SPTBN1: variants seen among roughly 807,000 people sequenced by gnomAD.
The protein encoded by SPTBN1 is spectrin beta, non-erythrocytic 1.
In SPTBN1, 32 loss-of-function variants were observed where a neutral mutation model predicts 266.4. The ratio of observed to expected loss-of-function variants is 0.12; its 90% CI spans 0.09 to 0.16. The LOEUF is 0.16. SPTBN1 is among the 10% of genes least tolerant of loss of function. The pLI is 1.00. For synonymous variants in SPTBN1, 1,336 were observed against 1,162.2 expected, an observed-to-expected ratio of 1.15 and a Z score of -3.04; for missense variants, 2,296 against 3,067.1, an observed-to-expected ratio of 0.75 and a Z score of 5.94.
At chr2:54,548,359 G>C (rs1437241776) in intron 2 of SPTBN1, among the ~76,000 whole-genome samples, 1 of 152,194 alleles carries the variant, frequency 6.6e-6, no homozygotes, top group East Asian at 1.9e-4. Context: ...CATGGAAGCT[G>C]TGCTTGTACC....
chr2:54,632,535 C>G, intron 16 of SPTBN1, 31 bp from the exon 17 acceptor site: 1 of 1,605,794 alleles, frequency 6.2e-7, no homozygotes, highest in Admixed American at 1.7e-5. Flanking sequence ...CTTCATTGAT[C>G]TGCTATGATT....
At chr2:54,609,080 G>A (rs1320080405) in intron 3 of SPTBN1, among the ~76,000 whole-genome samples, 1 of 152,110 alleles carries the variant, frequency 6.6e-6, no homozygotes, top group African/African-American at 2.4e-5. Flanking sequence ...AGGTAGAAGG[G>A]GAGGCAGAAG....
intron 1 of SPTBN1, chr2:54,516,144 G>C (rs911248984): frequency 6.6e-6 from 1 of 152,112 alleles, no homozygotes; most frequent in African/African-American, 2.4e-5. Flanking sequence ...AGGCCAATTT[G>C]TTCATTTAAA....
intron 10 of SPTBN1, among the ~76,000 whole-genome samples, chr2:54,624,090 T>C (rs887397684): frequency 9.2e-5 from 14 of 152,192 alleles, no homozygotes; most frequent in Non-Finnish European, 1.5e-5. Flanking sequence ...ATTTGAAAAA[T>C]TCTAGAACTT....
intron 4 of SPTBN1, among the ~76,000 whole-genome samples, chr2:54,615,098 C>T (rs1174974402): frequency 1.3e-5 from 2 of 151,548 alleles, no homozygotes; most frequent in African/African-American, 4.9e-5. Flanking sequence ...TTTATACAGA[C>T]TCAGGCTTCA....
rs878916441 is a variant in SPTBN1, at chr2:54,655,956, A to G, written c.6004A>G (p.Met2002Val). The G allele has an allele frequency of 6.2e-6, 10 of 1,613,674 alleles. No homozygotes were observed. The highest frequency in any genetic ancestry group is 1.1e-5 in the South Asian group (1 of 91,068). ...LLQLTEKRKE[M>V]IDKWEDRWEW... ...GCAGTTGACGGAAAAGAGGAAAGAA[A>G]TGATCGACAAGTGGGAAGACCGATG... The change falls in exon 29 of 36, where the codon ATG becomes GTG. Residue 2002 changes from methionine to valine, a missense_variant. Met to Val is a conservative substitution (Grantham distance 21, BLOSUM62 1). Transcript: ENST00000356805.
At chr2:54,470,804 T>C (rs1206901826) in intron 1 of SPTBN1, among the ~76,000 whole-genome samples, 1 of 152,100 alleles carries the variant, frequency 6.6e-6, no homozygotes, top group Non-Finnish European at 1.5e-5. Flanking sequence ...AAAGAACCTG[T>C]CTCAAACCCC....
chr2:54,565,256 G>T (rs1446910856), intron 2 of SPTBN1, among the ~76,000 whole-genome samples: 2 of 152,196 alleles, frequency 1.3e-5, no homozygotes, highest in African/African-American at 4.8e-5. Context: ...GACTCTTTAA[G>T]TTGCTCCCAA....
chr2:54,522,336 A>G (rs1158633912), intron 1 of SPTBN1, among the ~76,000 whole-genome samples: 1 of 152,068 alleles, frequency 6.6e-6, no homozygotes, highest in Non-Finnish European at 1.5e-5. Flanking sequence ...CTTACTTACT[A>G]AGTAATCTGT....
At chr2:54,625,830 A>T in intron 11 of SPTBN1, 102 bp from the exon 12 acceptor site, 1 of 1,300,630 alleles carries the variant, frequency 7.7e-7, no homozygotes, top group Admixed American at 2.2e-5. Flanking sequence ...ACCTCAAGTG[A>T]TCTGCCCGCC....
At chr2:54,642,536 T>G (rs954328215) in intron 18 of SPTBN1, among the ~76,000 whole-genome samples, 4 of 151,542 alleles carry the variant, frequency 2.6e-5, no homozygotes, top group South Asian at 2.1e-4. Context: ...GTAGTTTTTT[T>G]TTTTTTTTTT....
chr2:54,461,287 T>G (rs1252314123), intron 1 of SPTBN1, among the ~76,000 whole-genome samples: 2 of 152,252 alleles, frequency 1.3e-5, no homozygotes, highest in African/African-American at 4.8e-5. Context: ...TGGCTGTATT[T>G]CATTCAGTTT....
At chr2:54,467,591 G>A (rs1446499452) in intron 1 of SPTBN1, among the ~76,000 whole-genome samples, 2 of 152,204 alleles carry the variant, frequency 1.3e-5, no homozygotes, top group East Asian at 3.9e-4. Flanking sequence ...CACCATGTTG[G>A]CCAGACTGGT....
chr2:54,573,903 G>C (rs536419646), intron 2 of SPTBN1, among the ~76,000 whole-genome samples: 1 of 145,014 alleles, frequency 6.9e-6, no homozygotes, highest in African/African-American at 2.8e-5. Flanking sequence ...TTTATGGGAG[G>C]GGGGTGCTTT....
At chr2:54,585,715 G>T (rs1675247246) in intron 2 of SPTBN1, among the ~76,000 whole-genome samples, 1 of 152,172 alleles carries the variant, frequency 6.6e-6, no homozygotes, top group Admixed American at 6.5e-5. Flanking sequence ...TTTTTAAAGA[G>T]AGAACTCTTA....
At chr2:54,661,474 ATCTTGTT>A (rs778572066) in intron 32 of SPTBN1, 2 of 985,672 alleles carry the variant, frequency 2.0e-6, no homozygotes, top group Non-Finnish European at 2.4e-6. Context: ...GTCATATAGC[ATCTTGTT>A]TGTTTTTCCT....
chr2:54,611,553 G>A (rs908194824), intron 3 of SPTBN1, among the ~76,000 whole-genome samples: 1 of 151,964 alleles, frequency 6.6e-6, no homozygotes, highest in African/African-American at 2.4e-5. Context: ...TGATAAAACT[G>A]GGTAGAGGGA....
chr2:54,666,316 G>A (rs1365534608), intron 34 of SPTBN1, among the ~76,000 whole-genome samples: 1 of 152,222 alleles, frequency 6.6e-6, no homozygotes, highest in African/African-American at 2.4e-5. Flanking sequence ...TCTGAGCATT[G>A]AAGGATAAGG....
intron 1 of SPTBN1, among the ~76,000 whole-genome samples, chr2:54,487,278 A>G (rs553077014): frequency 5.8e-5 from 8 of 137,524 alleles, no homozygotes; most frequent in African/African-American, 8.3e-5. Context: ...AATTTTGTCT[A>G]TTATCAGAAA....
Sources: allele counts gnomAD v4.1 joint callset (sites outside exome capture counted in the v4.1 genomes callset), GRCh38; gene constraint gnomAD v4.1.1; transcripts MANE v1.5; gene names NCBI Gene and HGNC (gene_info 2026-07-23, HGNC 2026-07-21).